Variants in LRIG3 observed in about 807,000 individuals in gnomAD.
LRIG3 encodes leucine-rich repeats and immunoglobulin-like domains protein 3.
Under a neutral mutation model 114.5 loss-of-function variants are expected in LRIG3, and 76 were observed. The ratio of observed to expected loss-of-function variants is 0.66; its 90% confidence interval spans 0.55 to 0.80. The LOEUF (loss-of-function observed/expected upper bound fraction) is 0.80. Ranked by LOEUF, LRIG3 falls within the 30% of genes least tolerant of loss-of-function variation. The pLI, the probability that LRIG3 is intolerant of heterozygous loss-of-function variation, is 0.00. For synonymous variants in LRIG3, 512 were observed against 519.8 expected (o/e 0.98, Z 0.20); for missense variants, 1,239 against 1,382.8 (o/e 0.90, Z 1.65).
chr12:58,919,550 G>T, intron 1 of LRIG3: 1 of 1,549,446 alleles, frequency 6.5e-7, no homozygotes, highest in East Asian at 2.4e-5. Context: ...CAGTTACTGG[G>T]TGGGAACAGG....
At chr12:58,915,721 C>A (rs1872455984) in intron 1 of LRIG3, among the ~76,000 whole-genome samples, 1 of 152,124 alleles carries the variant, frequency 6.6e-6, no homozygotes, top group Non-Finnish European at 1.5e-5. Context: ...TGCATGCTCA[C>A]CACGCTGGCT....
chr12:58,910,539 C>T (rs1226941098), intron 3 of LRIG3, among the ~76,000 whole-genome samples: 4 of 152,084 alleles, frequency 2.6e-5, no homozygotes, highest in African/African-American at 9.7e-5. Context: ...ACCCGGGCAG[C>T]GGAGCTTGCA....
intron 3 of LRIG3, among the ~76,000 whole-genome samples, chr12:58,894,688 G>T (rs1346975223): frequency 6.6e-6 from 1 of 152,026 alleles, no homozygotes; most frequent in Non-Finnish European, 1.5e-5. Flanking sequence ...TAATATTTTT[G>T]GCAGGAAATG....
In LRIG3 at chr12:58,907,126, C is replaced by T. The variant is rs564736375; in HGVS notation, c.383+6856G>A. 2.0e-5 allele frequency among the ~76,000 whole-genome samples: 3 copies of T among 152,290 alleles called. No homozygotes were observed. In the South Asian group the frequency reaches 6.2e-4, roughly 32 times the overall value. On this transcript the variant is annotated intron_variant, in intron 3 of 18. Coordinates refer to ENST00000320743, the MANE Select transcript of LRIG3 (RefSeq NM_153377.5). ...ACCTATGTGCTGGTACATGCCCAGGCATCTTCCACTGTCCCAGGCACACTC... is the reference window on the plus strand; with the variant it reads ...ACCTATGTGCTGGTACATGCCCAGGTATCTTCCACTGTCCCAGGCACACTC...
chr12:58,911,548 C>T (rs1872274444), intron 3 of LRIG3, among the ~76,000 whole-genome samples: 1 of 152,066 alleles, frequency 6.6e-6, no homozygotes, highest in Non-Finnish European at 1.5e-5. Context: ...AAAAAACAAC[C>T]ACAAAAAACT....
chr12:58,902,720 T>TCCCCCCCCCC (rs1302028469), intron 3 of LRIG3, among the ~76,000 whole-genome samples: 1 of 79,532 alleles, frequency 1.3e-5, no homozygotes, highest in African/African-American at 5.1e-5. Context: ...CCCTCCTCCC[T>TCCCCCCCCCC]CCCCCCACCC....
chr12:58,892,556 C>G (rs1369763851), intron 3 of LRIG3, among the ~76,000 whole-genome samples: 1 of 152,154 alleles, frequency 6.6e-6, no homozygotes, highest in Non-Finnish European at 1.5e-5. Flanking sequence ...AAATCTTGTG[C>G]TGCAAGCTGA....
At chr12:58,907,627 G>A (rs930922409) in intron 3 of LRIG3, among the ~76,000 whole-genome samples, 11 of 152,216 alleles carry the variant, frequency 7.2e-5, no homozygotes, top group Admixed American at 5.9e-4. Context: ...ATCCTTTACC[G>A]GAACCCCAGG....
chr12:58,885,937 A>T, intron 9 of LRIG3, 35 bp from the exon 10 acceptor site: 17 of 1,464,766 alleles, frequency 1.2e-5, no homozygotes, highest in Non-Finnish European at 1.6e-5. Flanking sequence ...CACTTAATTT[A>T]AAAAGCCATT....
At chr12:58,897,523 T>C (rs1871685539) in intron 3 of LRIG3, among the ~76,000 whole-genome samples, 2 of 152,240 alleles carry the variant, frequency 1.3e-5, no homozygotes, top group South Asian at 4.2e-4. Context: ...GGTGGGAGGA[T>C]TACTTAAGGC....
At chr12:58,915,716 G>A (rs367553413) in intron 1 of LRIG3, among the ~76,000 whole-genome samples, 1 of 152,132 alleles carries the variant, frequency 6.6e-6, no homozygotes, top group African/African-American at 2.4e-5. Context: ...TGCTGTGCAT[G>A]CTCACCACGC....
Position 58,877,682 on chromosome 12 carries a change from G to C in LRIG3, c.2254C>G (p.Leu752Val). 1 of 1,614,130 alleles carries C rather than the reference G, an allele frequency of 6.2e-7. No individual in the cohort carries two copies. The highest frequency in any genetic ancestry group is 8.5e-7 in the Non-Finnish European group (1 of 1,180,032). ...CTGACATCTGAGTCCACAATAATCA[G>C]AAGCTGATTGCCTGCTGCAAAAAAG... is the stretch of plus-strand genomic sequence containing the variant. ...RHFFAAGNQL[L>V]IIVDSDVSDA... The change falls in exon 15 of 19, where the codon CTG becomes GTG. Residue 752 changes from leucine to valine, a missense_variant. By Grantham distance (32) the Leu-to-Val change is conservative. Coordinates refer to ENST00000320743, the MANE Select transcript of LRIG3 (RefSeq NM_153377.5).
intron 13 of LRIG3, among the ~76,000 whole-genome samples, chr12:58,879,646 G>A (rs1226955645): frequency 6.6e-6 from 1 of 152,184 alleles, no homozygotes; most frequent in Non-Finnish European, 1.5e-5. Context: ...ATAGTTAAAT[G>A]ATAAAGTGGC....
chr12:58,905,792 G>GAC (rs1333113431), intron 3 of LRIG3, among the ~76,000 whole-genome samples: 1 of 152,164 alleles, frequency 6.6e-6, no homozygotes, highest in Non-Finnish European at 1.5e-5. Context: ...CCGGCTTAGG[G>GAC]ATTCTGCAGA....
rs1241787304 is a variant in LRIG3 at position 58,885,800 on chromosome 12, C to T, written c.1244+31G>A. 3 of 1,475,892 alleles carry T rather than the reference C, an allele frequency of 2.0e-6. No homozygotes were observed. In the Admixed American group the frequency reaches 5.6e-5, roughly 27 times the overall value. 91.4% of individuals were successfully genotyped at this position (1,475,892 alleles called of 1,614,324 possible). A position where few individuals can be genotyped will look rare whatever the true frequency, so the allele number is the denominator to read the frequency against. On this transcript the variant is annotated intron_variant, in intron 10 of 18. Transcript: ENST00000320743. ...AAGTAAAAACCATCTTAGAGATTCTCTTTTAGGGTAACTAAATTCTAGCTA... is the reference window on the plus strand; with the variant it reads ...AAGTAAAAACCATCTTAGAGATTCTTTTTTAGGGTAACTAAATTCTAGCTA...
At chr12:58,898,816 G>A (rs1001095319) in intron 3 of LRIG3, among the ~76,000 whole-genome samples, 1 of 152,012 alleles carries the variant, frequency 6.6e-6, no homozygotes, top group African/African-American at 2.4e-5. Context: ...ATGCCACCAC[G>A]CCCAGCTAAT....
chr12:58,901,506 TCA>T (rs1871847891), intron 3 of LRIG3, among the ~76,000 whole-genome samples: 1 of 152,178 alleles, frequency 6.6e-6, no homozygotes, highest in Non-Finnish European at 1.5e-5. Context: ...AATTCCTGGG[TCA>T]CACTAGCCAC....
intron 3 of LRIG3, among the ~76,000 whole-genome samples, chr12:58,891,733 A>G (rs1443881520): frequency 6.6e-6 from 1 of 152,218 alleles, no homozygotes; most frequent in African/African-American, 2.4e-5. Context: ...TTACATAAGA[A>G]GAACACTCCA....
In LRIG3 at chr12:58,911,314, A is replaced by T. The variant is rs144767639; in HGVS notation, c.383+2668T>A. 4.3e-4 allele frequency among the ~76,000 whole-genome samples: 65 copies of T among 152,242 alleles called. No homozygotes were observed. In the East Asian group the frequency reaches 0.011, roughly 26 times the overall value. On this transcript the variant is annotated intron_variant, in intron 3 of 18. Coordinates refer to ENST00000320743, the MANE Select transcript of LRIG3 (RefSeq NM_153377.5). ...AGCTCCTGGCTCCTATAGCTAAGAG[A>T]AGACAAAAGTCTCACCAGGACAGTC...
Sources: gnomAD v4.1 joint callset for allele counts (sites outside exome capture counted in the v4.1 genomes callset) on GRCh38, gnomAD v4.1.1 for gene constraint, MANE v1.5 for transcripts, NCBI Gene and HGNC (gene_info 2026-07-23, HGNC 2026-07-21) for gene names.